NALF1: variants seen among roughly 807,000 people sequenced by gnomAD.
The protein encoded by NALF1 is family with sequence similarity 155 member A.
A neutral mutation model predicts 48.4 loss-of-function variants in NALF1; 3 were observed. That is an observed-to-expected ratio of 0.06 (90% confidence interval 0.03 to 0.16). The LOEUF is 0.16. Among genes scored for constraint, NALF1 ranks in the 10% least tolerant of loss-of-function variants. NALF1 has a pLI of 1.00. For synonymous variants in NALF1, 262 were observed against 245.7 expected, an observed-to-expected ratio of 1.07 and a Z score of -0.62; for missense variants, 526 against 571.5, an observed-to-expected ratio of 0.92 and a Z score of 0.81.
rs192429595 is a variant in NALF1 at position 107,727,039 on chromosome 13, T to G, written c.915+138643A>C. Among the ~76,000 whole-genome samples, 155 of 149,518 alleles carry G rather than the reference T, an allele frequency of 1.0e-3. 1 individual carries two copies. The highest frequency in any genetic ancestry group is 3.6e-3 in the African/African-American group (148 of 40,900). ...GTTGGTCAGGCTGGTCTCGAACTCC[T>G]GACCTCATGATCCTCCCTCCTTGGC... On this transcript the variant is annotated intron_variant, in intron 1 of 2. Transcript: ENST00000375915.
At position 107,483,202 on chromosome 13, in the gene NALF1, T is replaced by C. The variant is rs573508360; in HGVS notation, c.916-272447A>G. On this transcript the variant is annotated intron_variant, in intron 1 of 2. Transcript: ENST00000375915. ...AGCTAAATGAACAGATGAATTAATGTTGTATGACCAGCAAAATGAATGCTT... is the reference window on the plus strand; with the variant it reads ...AGCTAAATGAACAGATGAATTAATGCTGTATGACCAGCAAAATGAATGCTT... Among the ~76,000 whole-genome samples the C allele has an allele frequency of 1.1e-4, 16 of 152,296 alleles. No homozygotes were observed. In the South Asian group the frequency reaches 3.3e-3, roughly 32 times the overall value.
At chr13:107,774,473 C>T (rs985701679) in intron 1 of NALF1, among the ~76,000 whole-genome samples, 3 of 152,200 alleles carry the variant, frequency 2.0e-5, no homozygotes, top group Middle Eastern at 3.4e-3. Flanking sequence ...GTATATGTTC[C>T]GTTATCTTTT....
chr13:107,656,143 A>C (rs189040200), intron 1 of NALF1, among the ~76,000 whole-genome samples: 4 of 152,160 alleles, frequency 2.6e-5, no homozygotes, highest in African/African-American at 9.6e-5. Context: ...ATGCAAAAAA[A>C]AAAAAGATAA....
At chr13:107,648,865 C>T (rs1006665677) in intron 1 of NALF1, among the ~76,000 whole-genome samples, 1 of 152,140 alleles carries the variant, frequency 6.6e-6, no homozygotes, top group East Asian at 1.9e-4. Flanking sequence ...TGTTTCCAAT[C>T]TTAGGCATAC....
chr13:107,577,418 G>A (rs1878185716), intron 1 of NALF1, among the ~76,000 whole-genome samples: 1 of 152,132 alleles, frequency 6.6e-6, no homozygotes, highest in Admixed American at 6.6e-5. Context: ...TTGGAGACTA[G>A]CATGCAAAAC....
intron 1 of NALF1, among the ~76,000 whole-genome samples, chr13:107,285,850 G>C (rs924945209): frequency 4.1e-4 from 63 of 152,066 alleles, no homozygotes; most frequent in African/African-American, 1.3e-3. Context: ...ATGTGAAAGT[G>C]TCCAACCTGA....
intron 1 of NALF1, among the ~76,000 whole-genome samples, chr13:107,826,668 A>T (rs560206815): frequency 6.6e-6 from 1 of 152,252 alleles, no homozygotes. Context: ...TAAAACATAC[A>T]TAAGACCAGT....
At chr13:107,567,318 G>A (rs978377376) in intron 1 of NALF1, among the ~76,000 whole-genome samples, 2 of 151,884 alleles carry the variant, frequency 1.3e-5, no homozygotes, top group African/African-American at 4.8e-5. Flanking sequence ...AATTTATGAC[G>A]ATCTCATCTA....
intron 1 of NALF1, among the ~76,000 whole-genome samples, chr13:107,334,949 G>A (rs1445605606): frequency 6.6e-6 from 1 of 152,074 alleles, no homozygotes; most frequent in Non-Finnish European, 1.5e-5. Context: ...GCTTGTTATT[G>A]CTGGTAGTGT....
chr13:107,370,004 G>A (rs985916892), intron 1 of NALF1, among the ~76,000 whole-genome samples: 5 of 152,110 alleles, frequency 3.3e-5, no homozygotes, highest in Admixed American at 3.3e-4. Context: ...CACCCTGCAG[G>A]AGAAAAACTC....
chr13:107,407,001 G>A (rs1340509146), intron 1 of NALF1, among the ~76,000 whole-genome samples: 1 of 151,888 alleles, frequency 6.6e-6, no homozygotes, highest in African/African-American at 2.4e-5. Context: ...AAGGTGTCAA[G>A]AACATACAGT....
chr13:107,516,593 T>A (rs1876060587), intron 1 of NALF1, among the ~76,000 whole-genome samples: 1 of 152,128 alleles, frequency 6.6e-6, no homozygotes, highest in Admixed American at 6.5e-5. Flanking sequence ...AGTAATCTTG[T>A]AGCAGTTAGC....
intron 1 of NALF1, among the ~76,000 whole-genome samples, chr13:107,347,882 A>G (rs1213481409): frequency 1.3e-5 from 2 of 152,206 alleles, no homozygotes; most frequent in East Asian, 3.8e-4. Context: ...ATGCGTGGGT[A>G]TCATGACGCA....
At chr13:107,600,629 G>T (rs549882637) in intron 1 of NALF1, among the ~76,000 whole-genome samples, 1 of 152,162 alleles carries the variant, frequency 6.6e-6, no homozygotes, top group Admixed American at 6.5e-5. Context: ...GGTGCCTGTT[G>T]GATGCTTACC....
intron 1 of NALF1, among the ~76,000 whole-genome samples, chr13:107,242,474 C>T (rs533170125): frequency 2.2e-3 from 332 of 152,310 alleles, no homozygotes; most frequent in Non-Finnish European, 4.1e-3. Context: ...TTTCTTTGGC[C>T]TATCTTATGG....
At chr13:107,406,421 T>A (rs1268098151) in intron 1 of NALF1, among the ~76,000 whole-genome samples, 1 of 151,902 alleles carries the variant, frequency 6.6e-6, no homozygotes. Flanking sequence ...TTAAAATAGT[T>A]ACACATAAAG....
chr13:107,349,427 T>A (rs1490175871), intron 1 of NALF1, among the ~76,000 whole-genome samples: 9 of 152,030 alleles, frequency 5.9e-5, no homozygotes, highest in Non-Finnish European at 1.3e-4. Flanking sequence ...GAAGGCACAA[T>A]TAGTTGTGCC....
At chr13:107,710,188 GAAAA>G (rs1397703985) in intron 1 of NALF1, among the ~76,000 whole-genome samples, 1 of 151,440 alleles carries the variant, frequency 6.6e-6, no homozygotes, top group Non-Finnish European at 1.5e-5. Context: ...AAGAAAGAAA[GAAAA>G]GAAAGGAAAA....
intron 1 of NALF1, among the ~76,000 whole-genome samples, chr13:107,646,050 C>T (rs1285921412): frequency 2.0e-5 from 3 of 152,080 alleles, no homozygotes. Context: ...AAACTTGCCT[C>T]ACAAAAACGG....
Sources: gnomAD v4.1 joint callset for allele counts (sites outside exome capture counted in the v4.1 genomes callset) on GRCh38, gnomAD v4.1.1 for gene constraint, MANE v1.5 for transcripts, NCBI Gene and HGNC (gene_info 2026-07-23, HGNC 2026-07-21) for gene names.